The following IGBP1C variants were observed in gnomAD, a reference collection of about 807,000 sequenced individuals.
IGBP1C encodes immunoglobulin-binding protein 1 family member C.
At chr17:58,687,796 AG>A in the IGBP1C span, among the ~76,000 whole-genome samples, 2 of 152,204 alleles carry the variant, frequency 1.3e-5, no homozygotes, top group Admixed American at 6.5e-5. Context: ...GGTTAACTAT[AG>A]ACATTAACAG....
chr17:58,661,740 T>C, the IGBP1C span: 19 of 566,072 alleles, frequency 3.4e-5, no homozygotes, highest in African/African-American at 1.1e-4. Flanking sequence ...GGGGGCGGCA[T>C]AGGGGAAGGC....
At chr17:58,678,160 A>C in the IGBP1C span, among the ~76,000 whole-genome samples, 2 of 152,148 alleles carry the variant, frequency 1.3e-5, no homozygotes, top group Non-Finnish European at 2.9e-5. Context: ...AAGGGGGAAA[A>C]AAAAGGGAAG....
At chr17:58,662,413 T>TCACACACA in the IGBP1C span, among the ~76,000 whole-genome samples, 87 of 127,674 alleles carry the variant, frequency 6.8e-4, no homozygotes, top group Non-Finnish European at 1.2e-3. Flanking sequence ...AGCACACATA[T>TCACACACA]CTCACACACA....
the IGBP1C span, among the ~76,000 whole-genome samples, chr17:58,691,394 C>T: frequency 2.6e-5 from 4 of 151,240 alleles, no homozygotes; most frequent in Non-Finnish European, 5.9e-5. Context: ...CAGGGCCGGG[C>T]GCGGTGGCTC....
the IGBP1C span, among the ~76,000 whole-genome samples, chr17:58,670,850 C>T: frequency 1.4e-5 from 2 of 146,602 alleles, no homozygotes; most frequent in Non-Finnish European, 3.0e-5. Context: ...ATATGTTAAG[C>T]ATCTTTACCA....
chr17:58,661,335 C>A, the IGBP1C span: 1 of 887,292 alleles, frequency 1.1e-6, no homozygotes, highest in Non-Finnish European at 1.9e-6. Context: ...ATGGTGAGGG[C>A]TCCTTGAAAC....
At chr17:58,684,623 C>A in the IGBP1C span, among the ~76,000 whole-genome samples, 1 of 143,826 alleles carries the variant, frequency 7.0e-6, no homozygotes, top group Non-Finnish European at 1.5e-5. Flanking sequence ...ACAGTGAGAC[C>A]CTGTCTCAAA....
the IGBP1C span, among the ~76,000 whole-genome samples, chr17:58,678,856 A>AATAATAATAAT: frequency 1.6e-4 from 11 of 68,178 alleles, no homozygotes; most frequent in East Asian, 5.3e-3. Flanking sequence ...ATAATAATAA[A>AATAATAATAAT]AGAGAAGGAC....
chr17:58,675,681 C>G, the IGBP1C span, among the ~76,000 whole-genome samples: 1 of 152,200 alleles, frequency 6.6e-6, no homozygotes, highest in African/African-American at 2.4e-5. Flanking sequence ...CCAAGGGTAT[C>G]TGCATTCCCC....
At chr17:58,669,780 T>C in the IGBP1C span, among the ~76,000 whole-genome samples, 6 of 150,418 alleles carry the variant, frequency 4.0e-5, no homozygotes, top group East Asian at 9.7e-4. Flanking sequence ...TGAGACTTCA[T>C]TGAGGTTTAG....
the IGBP1C span, among the ~76,000 whole-genome samples, chr17:58,673,035 A>G: frequency 1.3e-5 from 2 of 151,882 alleles, no homozygotes; most frequent in Non-Finnish European, 2.9e-5. Context: ...CTCAGCCGGC[A>G]TTCCTTTTAT....
At chr17:58,688,309 G>A in the IGBP1C span, among the ~76,000 whole-genome samples, 1 of 151,962 alleles carries the variant, frequency 6.6e-6, no homozygotes, top group East Asian at 1.9e-4. Context: ...TAGTAGAGAC[G>A]GGGTTTTACC....
chr17:58,666,304 C>T, the IGBP1C span, among the ~76,000 whole-genome samples: 1 of 151,702 alleles, frequency 6.6e-6, no homozygotes, highest in African/African-American at 2.4e-5. Context: ...GCCGAGATTG[C>T]TCCACTGCAC....
chr17:58,666,452 C>T, the IGBP1C span: 3 of 110,040 alleles, frequency 2.7e-5, no homozygotes, highest in Non-Finnish European at 1.9e-5. Flanking sequence ...AACAAACCTT[C>T]CACGGCAAAA....
At chr17:58,687,797 G>A in the IGBP1C span, among the ~76,000 whole-genome samples, 1 of 152,086 alleles carries the variant, frequency 6.6e-6, no homozygotes, top group African/African-American at 2.4e-5. Flanking sequence ...GTTAACTATA[G>A]ACATTAACAG....
the IGBP1C span, among the ~76,000 whole-genome samples, chr17:58,665,641 T>G: frequency 6.6e-6 from 1 of 151,726 alleles, no homozygotes; most frequent in Non-Finnish European, 1.5e-5. Flanking sequence ...TGCGTTTACC[T>G]CACTAAAGTT....
the IGBP1C span, among the ~76,000 whole-genome samples, chr17:58,667,121 C>T: frequency 6.6e-6 from 1 of 152,216 alleles, no homozygotes. Context: ...TTTCCTTGAG[C>T]TAACAGACGT....
chr17:58,669,733 CAAAAAAAAA>C, the IGBP1C span, among the ~76,000 whole-genome samples: 1 of 56,300 alleles, frequency 1.8e-5, no homozygotes, highest in Non-Finnish European at 3.5e-5. Flanking sequence ...GACTCCGTCT[CAAAAAAAAA>C]AAAAAAAAAA....
At chr17:58,671,696 CTG>C in the IGBP1C span, among the ~76,000 whole-genome samples, 2 of 152,278 alleles carry the variant, frequency 1.3e-5, no homozygotes, top group Middle Eastern at 6.8e-3. Flanking sequence ...CTCTGGGTCT[CTG>C]TGGATTTCTC....
Sources: allele counts gnomAD v4.1 joint callset (sites outside exome capture counted in the v4.1 genomes callset), GRCh38; gene constraint gnomAD v4.1.1; transcripts MANE v1.5; gene names NCBI Gene and HGNC (gene_info 2026-07-23, HGNC 2026-07-21).